The following CLEC3A variants were observed in gnomAD, a reference collection of about 807,000 sequenced individuals.
CLEC3A encodes C-type (calcium dependent, carbohydrate-recognition domain) lectin, superfamily member 1 (cartilage-derived).
CLEC3A carries 28 observed loss-of-function variants against 20.4 expected under a neutral mutation model. The observed-to-expected ratio is 1.37, with a 90% CI of 1.02 to 1.88. CLEC3A has a LOEUF of 1.88. Ranked by LOEUF, CLEC3A falls within the 40% of genes most tolerant of loss-of-function variation. The pLI, the probability that CLEC3A is intolerant of heterozygous loss-of-function variation, is 0.00. For synonymous variants in CLEC3A, 110 were observed against 88.1 expected, an observed-to-expected ratio of 1.25 and a Z score of -1.39; for missense variants, 357 against 240.4, an observed-to-expected ratio of 1.48 and a Z score of -3.21.
At chr16:78,027,393 T>A (rs905053296) in intron 1 of CLEC3A, among the ~76,000 whole-genome samples, 3 of 152,160 alleles carry the variant, frequency 2.0e-5, no homozygotes, top group Middle Eastern at 6.3e-3. Flanking sequence ...TTAAGCTTGC[T>A]AAGAATACAG....
intron 2 of CLEC3A, among the ~76,000 whole-genome samples, chr16:78,028,898 G>T (rs536459755): frequency 1.3e-5 from 2 of 152,280 alleles, no homozygotes; most frequent in Non-Finnish European, 2.9e-5. Context: ...TTACCAACCT[G>T]GGGTCATTTT....
intron 2 of CLEC3A, among the ~76,000 whole-genome samples, 173 bp from the exon 3 acceptor site, chr16:78,030,274 A>G (rs1403041618): frequency 6.6e-6 from 1 of 152,166 alleles, no homozygotes; most frequent in East Asian, 1.9e-4. Flanking sequence ...GGATTATGTA[A>G]CTTAATTTAT....
Position 78,030,643 on chromosome 16 carries a change from C to T in CLEC3A, c.396C>T (p.Ile132=), listed in dbSNP as rs569445440. The change falls in exon 3 of 3, where the codon ATC becomes ATT. Residue 132 remains isoleucine, a synonymous_variant. Transcript: ENST00000299642. ...GTGTCAATGACTTTTGGCTGGGCATCAATGACATGGTCACGGAAGGCAAGT... is the reference window on the plus strand; with the variant it reads ...GTGTCAATGACTTTTGGCTGGGCATTAATGACATGGTCACGGAAGGCAAGT... ...LPGVNDFWLG[I]NDMVTEGKFV... The T allele has an allele frequency of 1.7e-5, 27 of 1,614,108 alleles. No individual in the cohort carries two copies. In the South Asian group the frequency reaches 2.5e-4, roughly 15 times the overall value.
intron 1 of CLEC3A, among the ~76,000 whole-genome samples, chr16:78,024,670 T>C (rs1323047155): frequency 6.6e-6 from 1 of 152,196 alleles, no homozygotes; most frequent in Admixed American, 6.5e-5. Flanking sequence ...CCCATCCATA[T>C]ACTTTTAAAA....
In CLEC3A at chr16:78,031,701, T is replaced by G. The variant is rs2030131292; in HGVS notation, c.*860T>G. ...TGGACTTACATTTCCTTTTTTACAT[T>G]TTCGTATACTTATTTTTTTTAGCCA... On this transcript the variant is annotated 3_prime_UTR_variant, in exon 3 of 3. Transcript: ENST00000299642. The G allele has an allele frequency of 6.6e-6, 1 of 152,164 alleles. No individual in the cohort carries two copies. Among genetic ancestry groups the G allele is most frequent in the South Asian group, 2.1e-4 (1 of 4,832 alleles). 9.4% of individuals were successfully genotyped at this position (152,164 alleles called of 1,614,324 possible). A position where few individuals can be genotyped will look rare whatever the true frequency, so the allele number is the denominator to read the frequency against.
At position 78,028,150 on chromosome 16, in the gene CLEC3A, A is replaced by T; in HGVS notation, c.159A>T (p.Thr53=). 1 of 1,611,596 alleles carries T rather than the reference A, an allele frequency of 6.2e-7. No individual in the cohort carries two copies. Among genetic ancestry groups the T allele is most frequent in the Non-Finnish European group, 8.5e-7 (1 of 1,179,478 alleles). Residue 53 remains threonine, a synonymous_variant, in exon 2 of 3, where the codon ACA becomes ACT. Transcript: ENST00000299642. ...AGACTCAAATTGAAAAGCTCTGGACAGAAGTCAATGCCTTGAAGGAAATTC... is the reference window on the plus strand; with the variant it reads ...AGACTCAAATTGAAAAGCTCTGGACTGAAGTCAATGCCTTGAAGGAAATTC... ...DLKTQIEKLW[T]EVNALKEIQA...
chr16:78,030,853 A>G lies in CLEC3A; in HGVS notation c.*12A>G, dbSNP rs771426394. 3 of 1,596,236 alleles carry G rather than the reference A, an allele frequency of 1.9e-6. No homozygotes were observed. The highest frequency in any genetic ancestry group is 3.5e-5 in the Admixed American group (2 of 57,858). On this transcript the variant is annotated 3_prime_UTR_variant, in exon 3 of 3. Coordinates refer to ENST00000299642, the MANE Select transcript of CLEC3A (RefSeq NM_005752.6). ...CCATCCCTCAATAGGTCTTTCTCCA[A>G]TGTGTCCTCCAAGCAAGATTCATCA... is the stretch of plus-strand genomic sequence containing the variant.
intron 1 of CLEC3A, among the ~76,000 whole-genome samples, chr16:78,026,076 C>T (rs1241404312): frequency 6.6e-6 from 1 of 152,144 alleles, no homozygotes; most frequent in Non-Finnish European, 1.5e-5. Flanking sequence ...TGCACCCTTA[C>T]ATTTTTTCTG....
chr16:78,024,934 C>G (rs1227028752), intron 1 of CLEC3A, among the ~76,000 whole-genome samples: 1 of 152,082 alleles, frequency 6.6e-6, no homozygotes, highest in Non-Finnish European at 1.5e-5. Flanking sequence ...TCAAACAATT[C>G]TAGTACCTCA....
chr16:78,022,744 A>G lies in CLEC3A; in HGVS notation c.115+3A>G, dbSNP rs2018766047. ...GCACAGCAAACGTCGAGTGAGAGGT[A>G]ATGGGGCTTCTCAATCAAGCAAAAT... is the stretch of plus-strand genomic sequence containing the variant. On this transcript the variant is annotated splice_donor_region_variant and intron_variant, in intron 1 of 2. Coordinates refer to ENST00000299642, the MANE Select transcript of CLEC3A (RefSeq NM_005752.6). 6.2e-7 allele frequency: 1 copy of G among 1,613,706 alleles called. No homozygotes were observed. The highest frequency in any genetic ancestry group is 1.1e-5 in the South Asian group (1 of 91,072).
intron 1 of CLEC3A, among the ~76,000 whole-genome samples, chr16:78,026,779 A>T (rs1404196424): frequency 6.6e-6 from 1 of 152,184 alleles, no homozygotes; most frequent in Non-Finnish European, 1.5e-5. Flanking sequence ...GTTTTCTGCC[A>T]CTTACTTATA....
chr16:78,023,062 C>G (rs918903252), intron 1 of CLEC3A, among the ~76,000 whole-genome samples: 3 of 152,268 alleles, frequency 2.0e-5, no homozygotes, highest in African/African-American at 7.2e-5. Context: ...TTCTGAAAAT[C>G]TGGTGTTATT....
intron 1 of CLEC3A, among the ~76,000 whole-genome samples, chr16:78,025,775 G>C (rs1336908008): frequency 2.0e-5 from 3 of 152,032 alleles, no homozygotes; most frequent in Non-Finnish European, 2.9e-5. Flanking sequence ...TTTGTTTGTT[G>C]TACATAAAAG....
rs747200298 is a variant in CLEC3A, at chr16:78,028,217, T to C, written c.199+27T>C. ...TAAGGTGCAGACCTTCTCAGTGCCTTGTCCCAAAGGAGACAGGAAAATTTC... is the reference window on the plus strand; with the variant it reads ...TAAGGTGCAGACCTTCTCAGTGCCTCGTCCCAAAGGAGACAGGAAAATTTC... On this transcript the variant is annotated intron_variant, in intron 2 of 2. Coordinates refer to ENST00000299642, the MANE Select transcript of CLEC3A (RefSeq NM_005752.6). 9 of 1,517,480 alleles carry C rather than the reference T, an allele frequency of 5.9e-6. No homozygotes were observed. In the East Asian group the frequency reaches 1.7e-4, roughly 29 times the overall value. The allele number at this position is 1,517,480 out of a possible 1,614,324, so 94.0% of individuals were successfully genotyped here.
intron 1 of CLEC3A, among the ~76,000 whole-genome samples, 197 bp downstream of exon 1, chr16:78,022,938 G>A (rs1279044216): frequency 6.6e-6 from 1 of 151,832 alleles, no homozygotes; most frequent in Non-Finnish European, 1.5e-5. Context: ...CCAGGCTGCT[G>A]GGTTTTAAAA....
At chr16:78,029,204 A>C in intron 2 of CLEC3A, 1 of 448,804 alleles carries the variant, frequency 2.2e-6, no homozygotes, top group Non-Finnish European at 4.5e-6. Context: ...TGAGACCTAA[A>C]CCCAGGCACT....
chr16:78,029,134 G>T (rs2142593626), intron 2 of CLEC3A: 1 of 455,850 alleles, frequency 2.2e-6, no homozygotes, highest in Non-Finnish European at 4.4e-6. Flanking sequence ...TGAGGAAAAT[G>T]AGGCACAAAG....
At chr16:78,026,679 T>C (rs527626791) in intron 1 of CLEC3A, among the ~76,000 whole-genome samples, 1 of 152,330 alleles carries the variant, frequency 6.6e-6, no homozygotes, top group South Asian at 2.1e-4. Flanking sequence ...TGTTATGATT[T>C]ATAATTCCTG....
rs1470760587 is a variant in CLEC3A, at chr16:78,030,626, G to A, written c.379G>A (p.Asp127Asn). The A allele has an allele frequency of 1.9e-6, 3 of 1,613,978 alleles. No individual in the cohort carries two copies. The African/African-American group carries it at 4.0e-5, about 22-fold the overall frequency. The change falls in exon 3 of 3, where the codon GAC becomes AAC. Residue 127 changes from aspartate to asparagine, a missense_variant. Physicochemically the swap from Asp to Asn is conservative, Grantham distance 23. Transcript: ENST00000299642. ...YGKRSLPGVN[D>N]FWLGINDMVT... ...TAAAAGGAGCCTGCCAGGTGTCAAT[G>A]ACTTTTGGCTGGGCATCAATGACAT...
Sources: allele counts gnomAD v4.1 joint callset (sites outside exome capture counted in the v4.1 genomes callset), GRCh38; gene constraint gnomAD v4.1.1; transcripts MANE v1.5; gene names NCBI Gene and HGNC (gene_info 2026-07-23, HGNC 2026-07-21).